PPARGC1A: variants seen among roughly 807,000 people sequenced by gnomAD.
PPARGC1A encodes PPARG coactivator 1 alpha, also known as peroxisome proliferator-activated receptor gamma coactivator 1-alpha.
PPARGC1A carries 25 observed loss-of-function variants against 88.7 expected under a neutral mutation model. That is an observed-to-expected ratio of 0.28 (90% CI 0.21 to 0.39). PPARGC1A has a LOEUF of 0.39. Among genes scored for constraint, PPARGC1A ranks in the 10% least tolerant of loss-of-function variants. PPARGC1A has a pLI of 1.00. For missense variants in PPARGC1A, 880 were observed against 968.7 expected, an observed-to-expected ratio of 0.91 and a Z score of 1.22; for synonymous variants, 363 against 355.6, an observed-to-expected ratio of 1.02 and a Z score of -0.24.
the PPARGC1A span, among the ~76,000 whole-genome samples, chr4:24,390,133 A>G: frequency 6.6e-6 from 1 of 152,060 alleles, no homozygotes; most frequent in Non-Finnish European, 1.5e-5. Flanking sequence ...AAACTGTTTT[A>G]GCAGCCATAT....
the PPARGC1A span, among the ~76,000 whole-genome samples, chr4:23,938,759 G>A: frequency 2.6e-5 from 4 of 152,174 alleles, no homozygotes; most frequent in Non-Finnish European, 5.9e-5. Flanking sequence ...TAAACAAGAA[G>A]GTTAGGAGGT....
At chr4:23,820,515 A>G (rs1722825778) in intron 7 of PPARGC1A, 1 of 286,154 alleles carries the variant, frequency 3.5e-6, no homozygotes, top group Non-Finnish European at 7.2e-6. Flanking sequence ...CAGAAACAAA[A>G]AAGTGTAGCA....
chr4:24,123,686 T>C, the PPARGC1A span, among the ~76,000 whole-genome samples: 1 of 152,106 alleles, frequency 6.6e-6, no homozygotes. Flanking sequence ...TAGGCACAGA[T>C]GCAATTTTTT....
chr4:23,929,919 TATC>T, the PPARGC1A span, among the ~76,000 whole-genome samples: 2 of 152,200 alleles, frequency 1.3e-5, no homozygotes, highest in Non-Finnish European at 2.9e-5. Context: ...AGGAGGGTAT[TATC>T]ATTCCATTTT....
the PPARGC1A span, among the ~76,000 whole-genome samples, chr4:24,019,911 G>A: frequency 1.3e-5 from 2 of 152,146 alleles, no homozygotes; most frequent in Non-Finnish European, 1.5e-5. Flanking sequence ...TAAGGATCAT[G>A]CTCCATTTCT....
Position 23,889,984 on chromosome 4 carries a change from C to A in PPARGC1A, c.-27G>T. 3 of 1,613,296 alleles carry A rather than the reference C, an allele frequency of 1.9e-6. No homozygotes were observed. Among genetic ancestry groups the A allele is most frequent in the Non-Finnish European group, 2.5e-6 (3 of 1,179,546 alleles). ...CAGCTCCTGAATGACGCCAGTCAAG[C>A]TTTTTCAACTCCAATCCACAGTGAC... On this transcript the variant is annotated 5_prime_UTR_variant, in exon 1 of 13. Coordinates refer to ENST00000264867, the MANE Select transcript of PPARGC1A (RefSeq NM_013261.5).
At chr4:24,185,228 C>A in the PPARGC1A span, among the ~76,000 whole-genome samples, 1 of 152,090 alleles carries the variant, frequency 6.6e-6, no homozygotes, top group African/African-American at 2.4e-5. Flanking sequence ...CTTCACCACC[C>A]TCCAAAAATA....
chr4:24,112,156 A>G, the PPARGC1A span, among the ~76,000 whole-genome samples: 1 of 152,200 alleles, frequency 6.6e-6, no homozygotes, highest in Non-Finnish European at 1.5e-5. Context: ...CAGGAATGAC[A>G]AGCTCCAAAG....
chr4:23,886,582 C>A (rs1037297565), intron 1 of PPARGC1A, among the ~76,000 whole-genome samples: 1 of 152,070 alleles, frequency 6.6e-6, no homozygotes, highest in Non-Finnish European at 1.5e-5. Flanking sequence ...TTGGTCTTTC[C>A]TTTTATTATC....
the PPARGC1A span, among the ~76,000 whole-genome samples, chr4:24,427,124 T>G: frequency 6.6e-6 from 1 of 152,186 alleles, no homozygotes; most frequent in Non-Finnish European, 1.5e-5. Flanking sequence ...AGGGCAGGCT[T>G]AGGTTCCCAT....
At position 23,831,674 on chromosome 4, in the gene PPARGC1A, G is replaced by A. The variant is rs376151789; in HGVS notation, c.312C>T (p.Asp104=). ...TCAGCGCATCAAATGAGGGCAATCCGTCTTCATCCACAGGGAGACTGTCTA... is the reference window on the plus strand; with the variant it reads ...TCAGCGCATCAAATGAGGGCAATCCATCTTCATCCACAGGGAGACTGTCTA... ...ETLDSLPVDE[D]GLPSFDALTD... Residue 104 remains aspartate, a synonymous_variant, in exon 3 of 13, where the codon GAC becomes GAT. Transcript: ENST00000264867. 30 of 1,613,740 alleles carry A rather than the reference G, an allele frequency of 1.9e-5. No homozygotes were observed. The highest frequency in any genetic ancestry group is 1.8e-4 in the Admixed American group (11 of 59,996).
the PPARGC1A span, among the ~76,000 whole-genome samples, chr4:23,982,188 T>TA: frequency 6.6e-6 from 1 of 152,182 alleles, no homozygotes; most frequent in African/African-American, 2.4e-5. Flanking sequence ...GAGACAGGTT[T>TA]AGATACTATA....
At chr4:24,050,359 C>T in the PPARGC1A span, among the ~76,000 whole-genome samples, 4 of 151,900 alleles carry the variant, frequency 2.6e-5, no homozygotes, top group Admixed American at 2.6e-4. Flanking sequence ...CCACGCCCAG[C>T]TAATTTTTTT....
the PPARGC1A span, among the ~76,000 whole-genome samples, chr4:24,148,492 G>A: frequency 6.6e-6 from 1 of 152,142 alleles, no homozygotes; most frequent in Non-Finnish European, 1.5e-5. Context: ...TATTTGTGGA[G>A]CAACTACTAT....
At chr4:23,864,261 ATT>A (rs879851025) in intron 2 of PPARGC1A, among the ~76,000 whole-genome samples, 18 of 152,170 alleles carry the variant, frequency 1.2e-4, no homozygotes, top group Admixed American at 3.3e-4. Flanking sequence ...CTTTGTCCAC[ATT>A]TTACTATCTA....
At chr4:24,459,182 T>A in the PPARGC1A span, among the ~76,000 whole-genome samples, 1 of 152,152 alleles carries the variant, frequency 6.6e-6, no homozygotes, top group African/African-American at 2.4e-5. Context: ...GAAGACAATA[T>A]TCCCTATATG....
intron 7 of PPARGC1A, among the ~76,000 whole-genome samples, chr4:23,821,993 G>T (rs577185440): frequency 6.6e-6 from 1 of 152,154 alleles, no homozygotes; most frequent in Non-Finnish European, 1.5e-5. Flanking sequence ...TTCCATTTTT[G>T]TGTGTCAAAA....
chr4:23,842,177 A>G (rs1292020231), intron 2 of PPARGC1A, among the ~76,000 whole-genome samples: 1 of 152,156 alleles, frequency 6.6e-6, no homozygotes, highest in African/African-American at 2.4e-5. Context: ...GGGAGATGCA[A>G]GTTACATGCC....
At chr4:23,839,918 C>T (rs1189228784) in intron 2 of PPARGC1A, among the ~76,000 whole-genome samples, 5 of 152,180 alleles carry the variant, frequency 3.3e-5, no homozygotes, top group Non-Finnish European at 5.9e-5. Context: ...TCAGTCATCT[C>T]CCCCGAGGTC....
Sources: allele counts gnomAD v4.1 joint callset (sites outside exome capture counted in the v4.1 genomes callset), GRCh38; gene constraint gnomAD v4.1.1; transcripts MANE v1.5; gene names NCBI Gene and HGNC (gene_info 2026-07-23, HGNC 2026-07-21).